AGAP2: variants seen among roughly 807,000 people sequenced by gnomAD.
The protein encoded by AGAP2 is arf-GAP with GTPase, ANK repeat and PH domain-containing protein 2.
AGAP2 carries 32 observed loss-of-function variants against 110.9 expected under a neutral mutation model. The ratio of observed to expected loss-of-function variants is 0.29; its 90% CI spans 0.22 to 0.39. The LOEUF is 0.39. Among genes scored for constraint, AGAP2 ranks in the 10% least tolerant of loss-of-function variants. The pLI is 1.00. For synonymous variants in AGAP2, 702 were observed against 713.0 expected (o/e 0.98, Z 0.25); for missense variants, 1,285 against 1,638.5 (o/e 0.78, Z 3.72).
In AGAP2 at chr12:57,727,775, C is replaced by A. The variant is rs749960434; in HGVS notation, c.2767-4G>T. The A allele has an allele frequency of 1.9e-6, 3 of 1,576,746 alleles. No individual in the cohort carries two copies. The Admixed American group carries it at 5.2e-5, about 27-fold the overall frequency. Reference sequence around the variant, plus strand: ...CGCTTTGGCTGTCTGTGCGCAGCTGCAGAGAGGGTTTGGGTTGGCACTGAC... The same window carrying A: ...CGCTTTGGCTGTCTGTGCGCAGCTGAAGAGAGGGTTTGGGTTGGCACTGAC... On this transcript the variant is annotated splice_polypyrimidine_tract_variant and splice_region_variant and intron_variant, in intron 15 of 18. Coordinates refer to ENST00000547588, the MANE Select transcript of AGAP2 (RefSeq NM_001122772.3).
At position 57,731,624 on chromosome 12, in the gene AGAP2, A is replaced by G. The variant is rs764708855; in HGVS notation, c.1972T>C (p.Ser658Pro). 1 of 1,614,046 alleles carries G rather than the reference A, an allele frequency of 6.2e-7. No individual in the cohort carries two copies. Among genetic ancestry groups the G allele is most frequent in the Admixed American group, 1.7e-5 (1 of 60,006 alleles). The part of the protein sequence containing the change: ...SLFANRRGSD[S>P]EKRSLDSRGE... ...CGACTATCCAAGCTTCGTTTCTCGG[A>G]GTCACTACCCCGACGATTCTGGAAT... Residue 658 changes from serine (S) to proline (P), a missense_variant, in exon 9 of 19, where the codon TCC (serine) becomes CCC (proline). Transcript: ENST00000547588.
rs370358660 is a variant in AGAP2 at position 57,727,815 on chromosome 12, C to T, written c.2767-44G>A. On this transcript the variant is annotated intron_variant, in intron 15 of 18. Transcript: ENST00000547588. ...TTGGCACTGACTCTGCCTCCAAGCC[C>T]CACCTCCTTCTCAGACACCTCTGCT... The T allele has an allele frequency of 2.3e-5, 37 of 1,575,334 alleles. No homozygotes were observed. The African/African-American group carries it at 3.5e-4, about 15-fold the overall frequency.
At position 57,727,362 on chromosome 12, in the gene AGAP2, C is replaced by T. The variant is rs1050785502; in HGVS notation, c.3078G>A (p.Ser1026=). ...RGRAKPSRDS[S]REERESWIRA... The stretch of plus-strand genomic sequence containing the variant: ...CCGCTCTGTTCCCTCACGCTTACCG[C>T]GAAGAGTCCCGCGAGGGCTTGGCAC... Residue 1026 remains serine, a splice_region_variant and synonymous_variant, in exon 17 of 19, where the codon TCG becomes TCA. Coordinates refer to ENST00000547588, the MANE Select transcript of AGAP2 (RefSeq NM_001122772.3). 6.2e-7 allele frequency: 1 copy of T among 1,609,470 alleles called. No individual in the cohort carries two copies. The highest frequency in any genetic ancestry group is 1.7e-5 in the Admixed American group (1 of 59,146).
At chr12:57,728,973 A>G (rs761735921) in intron 13 of AGAP2, among the ~76,000 whole-genome samples, 4 of 152,096 alleles carry the variant, frequency 2.6e-5, no homozygotes, top group Non-Finnish European at 4.4e-5. Context: ...CAGGAGATCA[A>G]GACCATCCTG....
Position 57,733,051 on chromosome 12 carries a change from C to T in AGAP2, c.1550-72G>A, listed in dbSNP as rs1954916724. The T allele has an allele frequency of 9.4e-6, 15 of 1,591,034 alleles. No individual in the cohort carries two copies. In the South Asian group the frequency reaches 1.6e-4, roughly 17 times the overall value. ...GTTCGATTTTTCACAATTCCCTTAT[C>T]CTTGCACTGGGCCCTCAGGCTGGGT... On this transcript the variant is annotated intron_variant, in intron 5 of 18. Coordinates refer to ENST00000547588, the MANE Select transcript of AGAP2 (RefSeq NM_001122772.3).
At chr12:57,733,917 C>A in intron 5 of AGAP2, 109 bp downstream of exon 5, 1 of 1,311,800 alleles carries the variant, frequency 7.6e-7, no homozygotes, top group Non-Finnish European at 1.0e-6. Context: ...GTACTATAAT[C>A]CAAGTGGCCA....
chr12:57,728,213 A>G, intron 14 of AGAP2, 105 bp downstream of exon 14: 1 of 1,504,908 alleles, frequency 6.6e-7, no homozygotes, highest in Non-Finnish European at 9.0e-7. Flanking sequence ...GGGAAAGCAG[A>G]GGGTGGGGGG....
In AGAP2 at chr12:57,734,415, GA is replaced by G; in HGVS notation, c.1316-12del. ...TCTTGTACTGCTCACCTGTCCAGAA[GA>G]GTTGGAAGGGGTAACAGGTCAGAGG... On this transcript the variant is annotated splice_polypyrimidine_tract_variant and intron_variant, in intron 3 of 18. Transcript: ENST00000547588. The G allele has an allele frequency of 6.2e-7, 1 of 1,614,034 alleles. No homozygotes were observed.
At position 57,738,258 on chromosome 12, in the gene AGAP2, A is replaced by G. The variant is rs1249860603; in HGVS notation, c.-12T>C. The G allele has an allele frequency of 6.7e-7, 1 of 1,500,138 alleles. No individual in the cohort carries two copies. Among genetic ancestry groups the G allele is most frequent in the Non-Finnish European group, 8.9e-7 (1 of 1,129,808 alleles). 92.9% of individuals were successfully genotyped at this position (1,500,138 alleles called of 1,614,324 possible). On this transcript the variant is annotated 5_prime_UTR_variant, in exon 1 of 19. Transcript: ENST00000547588. This position sits in a 1 kb window ranked among gnomAD's most constrained non-coding sequence, Gnocchi z 6.7. Reference sequence around the variant, plus strand: ...GCGCCCCGGCTCATGGGGCCCGGAGACCCCCGAGCTGGGGAGGGGAGGGGA... The same window carrying G: ...GCGCCCCGGCTCATGGGGCCCGGAGGCCCCCGAGCTGGGGAGGGGAGGGGA...
chr12:57,738,332 G>A lies in AGAP2; in HGVS notation c.-86C>T. 1 of 1,324,106 alleles carries A rather than the reference G, an allele frequency of 7.6e-7. No individual in the cohort carries two copies. The allele number at this position is 1,324,106 out of a possible 1,614,324, so 82.0% of individuals were successfully genotyped here. A position where few individuals can be genotyped will look rare whatever the true frequency, so the allele number is the denominator to read the frequency against. On this transcript the variant is annotated 5_prime_UTR_variant, in exon 1 of 19. It introduces an in-frame stop codon into an upstream open reading frame of the 5' UTR. Transcript: ENST00000547588. This position sits in a 1 kb window ranked among gnomAD's most constrained non-coding sequence, Gnocchi z 6.7. ...GCCCGGCCATGGGGCCGCCCTGCTC[G>A]CTGCCCCCAGCCCCCGGACCCCGCT...
At chr12:57,730,639 G>C (rs775572066) in intron 11 of AGAP2, 25 bp from the exon 12 acceptor site, 1 of 1,609,700 alleles carries the variant, frequency 6.2e-7, no homozygotes, top group South Asian at 1.1e-5. Context: ...TGAAACCTCA[G>C]TGAGCCTCTT....
In AGAP2 at chr12:57,727,916, C is replaced by T; in HGVS notation, c.2766+21G>A. On this transcript the variant is annotated intron_variant, in intron 15 of 18. Transcript: ENST00000547588. ...GGGTCAGTTCCTGCGGCCAGTCCTC[C>T]ACTCCACCTCAAACTCTTACCTTGA... The T allele has an allele frequency of 1.9e-6, 3 of 1,613,234 alleles. No homozygotes were observed. The South Asian group carries it at 3.3e-5, about 18-fold the overall frequency.
At chr12:57,731,209 T>G (rs10877011) in intron 10 of AGAP2, among the ~76,000 whole-genome samples, 157 bp downstream of exon 10, 42,248 of 152,046 alleles carry the variant, frequency 0.28, 7,219 homozygotes, top group East Asian at 0.63. Flanking sequence ...ATTCCTGGCA[T>G]GGGCACATGG....
rs1954748679 is a variant in AGAP2, at chr12:57,725,679, C to T, written c.*873G>A. 1 of 151,990 alleles carries T rather than the reference C, an allele frequency of 6.6e-6. No individual in the cohort carries two copies. Among genetic ancestry groups the T allele is most frequent in the Admixed American group, 6.5e-5 (1 of 15,272 alleles). The allele number at this position is 151,990 out of a possible 1,614,324, so 9.4% of individuals were successfully genotyped here. A position where few individuals can be genotyped will look rare whatever the true frequency, so the allele number is the denominator to read the frequency against. On this transcript the variant is annotated 3_prime_UTR_variant, in exon 19 of 19. Transcript: ENST00000547588. ...ACGCAGTCACGGTCACAGACACAAC[C>T]CGAGAGCACCCCCACCCCAACCCAC...
At position 57,727,684 on chromosome 12, in the gene AGAP2, G is replaced by C. The variant is rs773370544; in HGVS notation, c.2854C>G (p.Pro952Ala). 1 of 1,606,048 alleles carries C rather than the reference G, an allele frequency of 6.2e-7. No individual in the cohort carries two copies. The highest frequency in any genetic ancestry group is 1.1e-5 in the South Asian group (1 of 90,200). ...TCCGCTGCCTCCTGGCACTCACTGG[G>C]GGCCCCGCAGTCCACGCAGATTGAA... ...GNSICVDCGA[P>A]NPTWASLNLG... The change falls in exon 16 of 19, where the codon CCC becomes GCC. Residue 952 changes from proline (P) to alanine (A), a missense_variant. Transcript: ENST00000547588.
At chr12:57,740,727 A>T (rs1440444198), upstream of AGAP2, among the ~76,000 whole-genome samples, 1 of 152,122 alleles carries the variant, frequency 6.6e-6, no homozygotes, top group Non-Finnish European at 1.5e-5. Flanking sequence ...TAAGGCTGTC[A>T]GGGGAAGCTT....
intron 1 of AGAP2, 99 bp from the exon 2 acceptor site, chr12:57,735,526 C>CT: frequency 8.9e-7 from 1 of 1,125,620 alleles, no homozygotes; most frequent in Non-Finnish European, 1.3e-6. Flanking sequence ...CCAACCCCCC[C>CT]CCAACCCTGC....
intron 13 of AGAP2, among the ~76,000 whole-genome samples, chr12:57,728,884 G>C (rs1954827485): frequency 6.6e-6 from 1 of 152,126 alleles, no homozygotes; most frequent in Non-Finnish European, 1.5e-5. Flanking sequence ...AGAAGGCCGG[G>C]CACGGTGACT....
rs757974918 is a variant in AGAP2 at position 57,737,236 on chromosome 12, T to G, written c.1011A>C (p.Ala337=). The part of the protein sequence containing the change: ...GLKRGREGGR[A]STRDRKMLKF... ...TGAGCATCTTGCGGTCACGAGTGGA[T>G]GCTCGGCCCCCCTCCCGGCCCCGTT... Residue 337 remains alanine (A), a synonymous_variant, in exon 1 of 19, where the codon GCA becomes GCC. Coordinates refer to ENST00000547588, the MANE Select transcript of AGAP2 (RefSeq NM_001122772.3). This position sits in a 1 kb window ranked among gnomAD's most constrained non-coding sequence, Gnocchi z 5.9. The G allele has an allele frequency of 6.2e-7, 1 of 1,611,588 alleles. No individual in the cohort carries two copies. Among genetic ancestry groups the G allele is most frequent in the Admixed American group, 1.7e-5 (1 of 59,628 alleles).
Sources: gnomAD v4.1 joint callset for allele counts (sites outside exome capture counted in the v4.1 genomes callset) on GRCh38, gnomAD v4.1.1 for gene constraint, Gnocchi (gnomAD v3.1) non-coding constraint, MANE v1.5 for transcripts, NCBI Gene and HGNC (gene_info 2026-07-23, HGNC 2026-07-21) for gene names.